UBASH3B: variants seen among roughly 807,000 people sequenced by gnomAD.
UBASH3B encodes ubiquitin-associated and SH3 domain-containing protein B.
UBASH3B carries 37 observed loss-of-function variants against 83.4 expected under a neutral mutation model. The ratio of observed to expected loss-of-function variants is 0.44; its 90% CI spans 0.34 to 0.58. UBASH3B has a LOEUF of 0.58. UBASH3B is among the 20% of genes least tolerant of loss of function. The pLI is 0.01. For missense variants in UBASH3B, 657 were observed against 827.2 expected, an observed-to-expected ratio of 0.79 and a Z score of 2.52; for synonymous variants, 304 against 318.3, an observed-to-expected ratio of 0.96 and a Z score of 0.48.
At position 122,796,898 on chromosome 11, in the gene UBASH3B, CTT is replaced by C. The variant is rs1418538534; in HGVS notation, c.1235-11_1235-10del. The C allele has an allele frequency of 1.7e-5, 27 of 1,614,026 alleles. No individual in the cohort carries two copies. Among genetic ancestry groups the C allele is most frequent in the Non-Finnish European group, 2.3e-5 (27 of 1,180,038 alleles). ...AATGTATGTATCCTCTGTCTAACCT[CTT>C]TGTTTTTCAGGCCGCTACATACGCA... On this transcript the variant is annotated splice_polypyrimidine_tract_variant and intron_variant, in intron 8 of 13. Coordinates refer to ENST00000284273, the MANE Select transcript of UBASH3B (RefSeq NM_032873.5).
chr11:122,729,678 G>A (rs934544295), intron 1 of UBASH3B, among the ~76,000 whole-genome samples: 1 of 151,436 alleles, frequency 6.6e-6, no homozygotes, highest in Non-Finnish European at 1.5e-5. Flanking sequence ...AAATGTTCCA[G>A]GCTGGGCACA....
intron 5 of UBASH3B, 22 bp from the exon 6 acceptor site, chr11:122,789,078 T>A: frequency 1.9e-6 from 3 of 1,603,632 alleles, no homozygotes; most frequent in Non-Finnish European, 2.6e-6. Context: ...TGGGGCTCAC[T>A]CACCCTCTCT....
At chr11:122,715,494 T>C (rs1483659302) in intron 1 of UBASH3B, among the ~76,000 whole-genome samples, 2 of 152,214 alleles carry the variant, frequency 1.3e-5, no homozygotes, top group African/African-American at 2.4e-5. Context: ...TCTGAGGCTG[T>C]TGTAGCTTTG....
intron 5 of UBASH3B, among the ~76,000 whole-genome samples, chr11:122,787,529 C>T (rs535241228): frequency 2.0e-5 from 3 of 152,294 alleles, no homozygotes; most frequent in African/African-American, 4.8e-5. Flanking sequence ...CTTTCTTTAG[C>T]GATTTCCAGA....
intron 1 of UBASH3B, among the ~76,000 whole-genome samples, chr11:122,674,379 C>CTTT (rs35529594): frequency 2.3e-5 from 3 of 133,208 alleles, no homozygotes; most frequent in Non-Finnish European, 1.6e-5. Flanking sequence ...CATTGTCTGT[C>CTTT]TTTTTTTTTT....
chr11:122,766,555 T>A (rs2135125316), intron 1 of UBASH3B, among the ~76,000 whole-genome samples: 1 of 142,316 alleles, frequency 7.0e-6, no homozygotes, highest in Admixed American at 7.0e-5. Context: ...TCTCAAAAAA[T>A]AATAATAATA....
chr11:122,750,943 C>A lies in UBASH3B; in HGVS notation c.162-25276C>A, dbSNP rs146857022. ...AGGATACAGAAACTCATTTTATTAT[C>A]ATTTTCCCTGAGAAAGGTGCATTGA... is the stretch of plus-strand genomic sequence containing the variant. On this transcript the variant is annotated intron_variant, in intron 1 of 13. Coordinates refer to ENST00000284273, the MANE Select transcript of UBASH3B (RefSeq NM_032873.5). 1.0e-3 allele frequency among the ~76,000 whole-genome samples: 159 copies of A among 152,292 alleles called. 1 individual carries two copies. The highest frequency in any genetic ancestry group is 3.6e-3 in the African/African-American group (150 of 41,564).
At chr11:122,674,724 G>GTTTT (rs35117227) in intron 1 of UBASH3B, among the ~76,000 whole-genome samples, 29 of 112,306 alleles carry the variant, frequency 2.6e-4, no homozygotes, top group East Asian at 8.1e-4. Flanking sequence ...TCTGCAGTTA[G>GTTTT]TTTTTTTTTT....
chr11:122,784,548 TAC>T (rs1860915227), intron 5 of UBASH3B, among the ~76,000 whole-genome samples: 1 of 152,202 alleles, frequency 6.6e-6, no homozygotes, highest in African/African-American at 2.4e-5. Context: ...CCAACTTAAC[TAC>T]ATTTATTAAG....
At chr11:122,656,419 G>T (rs1328214441) in intron 1 of UBASH3B, among the ~76,000 whole-genome samples, 2 of 152,088 alleles carry the variant, frequency 1.3e-5, no homozygotes, top group Non-Finnish European at 2.9e-5. Context: ...GGGGCGTTGG[G>T]CCAGGGCTCG....
Position 122,778,554 on chromosome 11 carries a change from A to ATT in UBASH3B, c.403-929_403-928dup, listed in dbSNP as rs56698309. Reference sequence around the variant, plus strand: ...GCACTCTCTCCTGTCACATTCCTTCATTTTTTTTTTTTTTTCACAAGCAAG... The same window carrying ATT: ...GCACTCTCTCCTGTCACATTCCTTCATTTTTTTTTTTTTTTTTCACAAGCAAG... On this transcript the variant is annotated intron_variant, in intron 3 of 13. Transcript: ENST00000284273. 5.2e-3 allele frequency among the ~76,000 whole-genome samples: 659 copies of ATT among 127,144 alleles called. 3 individuals carry two copies. The highest frequency in any genetic ancestry group is 0.012 in the African/African-American group (427 of 34,254). 83.4% of individuals were successfully genotyped at this position (127,144 alleles called of 152,430 possible). A position where few individuals can be genotyped will look rare whatever the true frequency, so the allele number is the denominator to read the frequency against.
At chr11:122,707,263 C>G (rs77296988) in intron 1 of UBASH3B, among the ~76,000 whole-genome samples, 63 of 152,338 alleles carry the variant, frequency 4.1e-4, no homozygotes, top group African/African-American at 8.9e-4. Flanking sequence ...CAATGACACT[C>G]TCCTGTCCCA....
intron 2 of UBASH3B, among the ~76,000 whole-genome samples, chr11:122,776,509 A>G (rs1406678489): frequency 6.6e-6 from 1 of 152,190 alleles, no homozygotes; most frequent in African/African-American, 2.4e-5. Flanking sequence ...AGCCTCTCTC[A>G]TAAGATCTGT....
chr11:122,761,392 G>A (rs1195005324), intron 1 of UBASH3B, among the ~76,000 whole-genome samples: 1 of 152,226 alleles, frequency 6.6e-6, no homozygotes, highest in Non-Finnish European at 1.5e-5. Flanking sequence ...GATCACTTGA[G>A]GCCAGGAGGT....
chr11:122,802,276 C>G (rs1861270141), intron 11 of UBASH3B, among the ~76,000 whole-genome samples: 1 of 140,052 alleles, frequency 7.1e-6, no homozygotes, highest in Non-Finnish European at 1.5e-5. Flanking sequence ...GATTATGCCA[C>G]TGCACTCCAG....
rs118020698 is a variant in UBASH3B at position 122,736,984 on chromosome 11, A to G, written c.162-39235A>G. 6.3e-3 allele frequency among the ~76,000 whole-genome samples: 958 copies of G among 152,286 alleles called. 11 individuals carry two copies. Among genetic ancestry groups the G allele is most frequent in the East Asian group, 0.034 (174 of 5,178 alleles). ...AGCTAAGATTGAGAGGTGGGCAGAG[A>G]TATTACTGTAGGGAAGGGAAAGAAT... On this transcript the variant is annotated intron_variant, in intron 1 of 13. Coordinates refer to ENST00000284273, the MANE Select transcript of UBASH3B (RefSeq NM_032873.5).
chr11:122,684,114 G>A (rs935721508), intron 1 of UBASH3B, among the ~76,000 whole-genome samples: 4 of 152,182 alleles, frequency 2.6e-5, no homozygotes, highest in African/African-American at 9.7e-5. Flanking sequence ...AAATGGGAAA[G>A]TCGCTGAAGA....
intron 1 of UBASH3B, among the ~76,000 whole-genome samples, chr11:122,700,160 A>G (rs1409451887): frequency 1.3e-5 from 2 of 152,128 alleles, no homozygotes; most frequent in East Asian, 3.9e-4. Flanking sequence ...CGGGAGCAGC[A>G]CCGCTGTTGG....
At chr11:122,674,134 A>C (rs1863635071) in intron 1 of UBASH3B, among the ~76,000 whole-genome samples, 2 of 152,226 alleles carry the variant, frequency 1.3e-5, no homozygotes, top group South Asian at 4.1e-4. Flanking sequence ...TCAAAATAAA[A>C]AAAGAAAACC....
Sources: allele counts gnomAD v4.1 joint callset (sites outside exome capture counted in the v4.1 genomes callset), GRCh38; gene constraint gnomAD v4.1.1; transcripts MANE v1.5; gene names NCBI Gene and HGNC (gene_info 2026-07-23, HGNC 2026-07-21).